The following CSMD1 variants were observed in gnomAD, a reference collection of about 807,000 sequenced individuals.
CSMD1 encodes CUB and sushi domain-containing protein 1.
CSMD1 carries 213 observed loss-of-function variants against 417.5 expected under a neutral mutation model. The observed-to-expected ratio is 0.51, with a 90% CI of 0.46 to 0.57. The LOEUF is 0.57. Ranked by LOEUF, CSMD1 falls within the 20% of genes least tolerant of loss-of-function variation. The pLI, the probability that CSMD1 is intolerant of heterozygous loss-of-function variation, is 0.00. For missense variants in CSMD1, 6,923 were observed against 4,529.7 expected (o/e 1.53, Z -15.17); for synonymous variants, 2,862 against 1,736.8 (o/e 1.65, Z -16.11).
At chr8:3,223,695 C>G (rs774513290) in intron 28 of CSMD1, 34 bp downstream of exon 28, 2 of 1,605,204 alleles carry the variant, frequency 1.2e-6, no homozygotes, top group East Asian at 4.5e-5. Context: ...ATTAAAAATC[C>G]TACTAAAAAG....
At chr8:3,771,182 GA>G (rs137986679) in intron 5 of CSMD1, among the ~76,000 whole-genome samples, 2,090 of 152,178 alleles carry the variant, frequency 0.014, 39 homozygotes, top group African/African-American at 0.048. Flanking sequence ...GCACTTTGGG[GA>G]AAAACGATGA....
chr8:3,763,830 G>C (rs904111952), intron 5 of CSMD1, among the ~76,000 whole-genome samples: 8 of 152,070 alleles, frequency 5.3e-5, no homozygotes, highest in Non-Finnish European at 1.2e-4. Context: ...ATAATCCTGA[G>C]GACACTATTC....
chr8:4,919,277 T>C lies in CSMD1; in HGVS notation c.85+75055A>G, dbSNP rs1806276753. ...TGCCCAAAGGGAAAAAGAAGAGTTC[T>C]GTCAATTAGAGTATATTTAGAACCA... is the stretch of plus-strand genomic sequence containing the variant. On this transcript the variant is annotated intron_variant, in intron 1 of 69. Coordinates refer to ENST00000635120, the MANE Select transcript of CSMD1 (RefSeq NM_033225.6). Among the ~76,000 whole-genome samples, 3 of 152,230 alleles carry C rather than the reference T, an allele frequency of 2.0e-5. 1 individual carries two copies. The highest frequency in any genetic ancestry group is 4.1e-4 in the South Asian group (2 of 4,836).
intron 23 of CSMD1, among the ~76,000 whole-genome samples, chr8:3,332,682 T>A (rs1806982869): frequency 6.6e-6 from 1 of 151,740 alleles, no homozygotes. Context: ...CGTGCATGTG[T>A]GCGTGCGCAC....
chr8:4,349,493 T>G (rs79236760), intron 3 of CSMD1, among the ~76,000 whole-genome samples: 1,758 of 152,286 alleles, frequency 0.012, 19 homozygotes, highest in Non-Finnish European at 0.016. Context: ...GAGAGCTCTA[T>G]CTAGAATCTA....
At chr8:4,582,839 A>G (rs1314320062) in intron 2 of CSMD1, among the ~76,000 whole-genome samples, 1 of 152,138 alleles carries the variant, frequency 6.6e-6, no homozygotes, top group East Asian at 1.9e-4. Context: ...GAGAGGCGCG[A>G]GTGGGAACCA....
chr8:3,560,156 T>C (rs1380808712), intron 10 of CSMD1, among the ~76,000 whole-genome samples: 3 of 152,152 alleles, frequency 2.0e-5, no homozygotes, highest in Non-Finnish European at 4.4e-5. Context: ...ATATAACTTA[T>C]CTCTGTAAGG....
At chr8:3,281,784 G>A (rs1180418221) in intron 26 of CSMD1, among the ~76,000 whole-genome samples, 1 of 152,172 alleles carries the variant, frequency 6.6e-6, no homozygotes, top group African/African-American at 2.4e-5. Flanking sequence ...ATATGGTTTG[G>A]ATCTGCGTCC....
chr8:3,698,772 C>G (rs1191044942), intron 7 of CSMD1, among the ~76,000 whole-genome samples: 1 of 152,130 alleles, frequency 6.6e-6, no homozygotes, highest in East Asian at 1.9e-4. Context: ...CATATGCGGA[C>G]TAATAGAGTG....
rs1193469157 is a variant in CSMD1 at position 3,795,412 on chromosome 8, G to T, written c.819-41370C>A. 3.0e-4 allele frequency among the ~76,000 whole-genome samples: 10 copies of T among 33,508 alleles called. 4 individuals carry two copies. The highest frequency in any genetic ancestry group is 1.1e-3 in the African/African-American group (10 of 9,158). 22.0% of individuals were successfully genotyped at this position (33,508 alleles called of 152,430 possible). On this transcript the variant is annotated intron_variant, in intron 5 of 69. Coordinates refer to ENST00000635120, the MANE Select transcript of CSMD1 (RefSeq NM_033225.6). The stretch of plus-strand genomic sequence containing the variant: ...GATATAGATATCTATCATAGATATA[G>T]ATATATATCTATCATAGATATAGAT...
chr8:3,703,754 G>C (rs1380838916), intron 7 of CSMD1, among the ~76,000 whole-genome samples: 1 of 152,064 alleles, frequency 6.6e-6, no homozygotes, highest in Non-Finnish European at 1.5e-5. Flanking sequence ...TAAATCTATG[G>C]CCAGCTATTA....
intron 12 of CSMD1, among the ~76,000 whole-genome samples, chr8:3,442,116 G>T (rs1031483496): frequency 1.3e-5 from 2 of 151,382 alleles, no homozygotes; most frequent in East Asian, 3.9e-4. Flanking sequence ...GTTTACAGAA[G>T]AAGACTATAA....
intron 2 of CSMD1, among the ~76,000 whole-genome samples, chr8:4,557,456 T>A (rs1798145930): frequency 1.3e-5 from 2 of 151,436 alleles, no homozygotes; most frequent in African/African-American, 2.4e-5. Flanking sequence ...TGAGATGAAA[T>A]ACATTTTTAA....
chr8:4,958,926 T>C (rs1353128111), intron 1 of CSMD1, among the ~76,000 whole-genome samples: 6 of 152,156 alleles, frequency 3.9e-5, no homozygotes, highest in African/African-American at 1.2e-4. Flanking sequence ...GAAAAAAATA[T>C]AAGCAGCTGC....
At chr8:4,627,692 C>A (rs1802200967) in intron 2 of CSMD1, among the ~76,000 whole-genome samples, 1 of 152,134 alleles carries the variant, frequency 6.6e-6, no homozygotes, top group East Asian at 1.9e-4. Flanking sequence ...CCAGCCTCTG[C>A]TGGCTGCCTC....
chr8:4,144,146 C>G (rs1435863061), intron 3 of CSMD1, among the ~76,000 whole-genome samples: 2 of 151,098 alleles, frequency 1.3e-5, no homozygotes, highest in Middle Eastern at 3.4e-3. Flanking sequence ...CAGATGTTTC[C>G]CTTCTGATAC....
chr8:3,692,915 A>T (rs1434397901), intron 7 of CSMD1, among the ~76,000 whole-genome samples: 1 of 152,206 alleles, frequency 6.6e-6, no homozygotes, highest in Non-Finnish European at 1.5e-5. Context: ...ATGCCATTCA[A>T]TTATCAAAAT....
At chr8:4,305,836 G>A (rs1421984606) in intron 3 of CSMD1, among the ~76,000 whole-genome samples, 1 of 152,104 alleles carries the variant, frequency 6.6e-6, no homozygotes, top group East Asian at 1.9e-4. Flanking sequence ...ACTGTAACTT[G>A]CCGATCTTGT....
chr8:4,737,346 G>T (rs1435187383), intron 1 of CSMD1, among the ~76,000 whole-genome samples: 1 of 152,054 alleles, frequency 6.6e-6, no homozygotes, highest in Non-Finnish European at 1.5e-5. Flanking sequence ...AGGGTGGAGG[G>T]TTGGAGGAGA....
Sources: allele counts gnomAD v4.1 joint callset (sites outside exome capture counted in the v4.1 genomes callset), GRCh38; gene constraint gnomAD v4.1.1; transcripts MANE v1.5; gene names NCBI Gene and HGNC (gene_info 2026-07-23, HGNC 2026-07-21).